The following LTBP4 variants were observed in gnomAD, a reference collection of about 807,000 sequenced individuals.
LTBP4 encodes latent-transforming growth factor beta-binding protein 4.
In LTBP4, 93 loss-of-function variants were observed where a neutral mutation model predicts 180.2. The observed-to-expected ratio is 0.52, with a 90% confidence interval of 0.44 to 0.61. LTBP4 has a LOEUF of 0.61. Ranked by LOEUF, LTBP4 falls within the 20% of genes least tolerant of loss-of-function variation. The probability of loss-of-function intolerance (pLI) is 0.00; values close to 1 mark genes in which losing one functional copy is unlikely to be tolerated. For missense variants in LTBP4, 2,116 were observed against 2,256.5 expected, an observed-to-expected ratio of 0.94 and a Z score of 1.26; for synonymous variants, 947 against 934.5, an observed-to-expected ratio of 1.01 and a Z score of -0.24.
upstream of LTBP4, chr19:40,600,099 C>A: frequency 7.9e-7 from 1 of 1,259,008 alleles, no homozygotes. This position sits in a 1 kb window ranked among gnomAD's most constrained non-coding sequence, Gnocchi z 4.4. Flanking sequence ...ACTGAAGCGG[C>A]GGCGGCCCCG....
In LTBP4 at chr19:40,627,363, C is replaced by T. The variant is rs80192963; in HGVS notation, c.4366+8C>T. 5.0e-3 allele frequency: 7,500 copies of T among 1,490,270 alleles called. 104 individuals carry two copies. In the African/African-American group the frequency reaches 0.054, roughly 11 times the overall value. The allele number at this position is 1,490,270 out of a possible 1,614,324, so 92.3% of individuals were successfully genotyped here. On this transcript the variant is annotated splice_region_variant and intron_variant, in intron 28 of 29. Transcript: ENST00000396819. ...AAGGTGGAAGCTATGCTGGTGAGCA[C>T]TGCCAGCGCATGATGAGACTGAGAT...
At chr19:40,612,631 T>A (rs1232776294) in intron 15 of LTBP4, among the ~76,000 whole-genome samples, 1 of 152,130 alleles carries the variant, frequency 6.6e-6, no homozygotes, top group Admixed American at 6.6e-5. Flanking sequence ...CCTGGTTGGG[T>A]TCATAATCCC....
At position 40,622,725 on chromosome 19, in the gene LTBP4, G is replaced by A; in HGVS notation, c.3484+58G>A. 1 of 1,537,802 alleles carries A rather than the reference G, an allele frequency of 6.5e-7. No homozygotes were observed. The highest frequency in any genetic ancestry group is 1.9e-5 in the Admixed American group (1 of 53,234). ...GGGCTTGGGTGGAAATACTGGGTGGGGTGTGGGCCTGGGACAGGGGACACT... is the reference window on the plus strand; with the variant it reads ...GGGCTTGGGTGGAAATACTGGGTGGAGTGTGGGCCTGGGACAGGGGACACT... On this transcript the variant is annotated intron_variant, in intron 23 of 29. Transcript: ENST00000396819. The surrounding 1 kb of genome is among the most constrained non-coding windows in gnomAD (Gnocchi z 5.1).
rs2081596250 is a variant in LTBP4 at position 40,622,838 on chromosome 19, T to C, written c.3485-112T>C. On this transcript the variant is annotated intron_variant, in intron 23 of 29. Transcript: ENST00000396819. The surrounding 1 kb of genome is among the most constrained non-coding windows in gnomAD (Gnocchi z 5.1). The stretch of plus-strand genomic sequence containing the variant: ...CATGGGCAGACATAAGGCTGAGAGG[T>C]GGGCACTAACAGGCACAGGGCCAGA... 7.2e-7 allele frequency: 1 copy of C among 1,385,988 alleles called. No individual in the cohort carries two copies. The highest frequency in any genetic ancestry group is 2.1e-5 in the Admixed American group (1 of 47,286). 85.9% of individuals were successfully genotyped at this position (1,385,988 alleles called of 1,614,324 possible). A position where few individuals can be genotyped will look rare whatever the true frequency, so the allele number is the denominator to read the frequency against.
chr19:40,611,871 G>A lies in LTBP4; in HGVS notation c.2066G>A (p.Cys689Tyr). The stretch of plus-strand genomic sequence containing the variant: ...CCCTCTGCCCCAGATGTGGATGAGT[G>A]TGCCCGAAGCCCCCCACCCTGCACC... ...PGAPCQDVDE[C>Y]ARSPPPCTYG... Residue 689 changes from cysteine (C) to tyrosine (Y), a missense_variant, in exon 14 of 30, where the codon TGT (cysteine) becomes TAT (tyrosine). Physicochemically the swap from Cys to Tyr is radical, Grantham distance 194. Around this residue, in one of 5 missense-constraint regions of LTBP4, gnomAD observed 877 missense variants for 873.6 expected, o/e 1.00. Transcript: ENST00000396819. This position sits in a 1 kb window ranked among gnomAD's most constrained non-coding sequence, Gnocchi z 4.4. 1 of 1,608,126 alleles carries A rather than the reference G, an allele frequency of 6.2e-7. No homozygotes were observed. Among genetic ancestry groups the A allele is most frequent in the Non-Finnish European group, 8.5e-7 (1 of 1,177,420 alleles).
chr19:40,618,410 C>T (rs1186946870), intron 21 of LTBP4, among the ~76,000 whole-genome samples: 1 of 152,124 alleles, frequency 6.6e-6, no homozygotes, highest in Non-Finnish European at 1.5e-5. Flanking sequence ...CAGGTGCCCA[C>T]CACTATGCCC....
At chr19:40,610,454 CCCTCTACCCCTG>C in intron 11 of LTBP4, 66 bp from the exon 12 acceptor site, 1 of 1,499,382 alleles carries the variant, frequency 6.7e-7, no homozygotes, top group Admixed American at 2.0e-5. Context: ...GCTCCCGCTT[CCCTCTACCCCTG>C]CCTCCTTGCG....
chr19:40,599,095 A>T, upstream of LTBP4: 1 of 1,029,086 alleles, frequency 9.7e-7, no homozygotes, highest in Non-Finnish European at 1.5e-6. Context: ...ACCTGTTTCA[A>T]GCCCCCTCAG....
chr19:40,616,248 CCTGT>C (rs1385982750), intron 19 of LTBP4, among the ~76,000 whole-genome samples: 1 of 147,630 alleles, frequency 6.8e-6, no homozygotes, highest in African/African-American at 2.6e-5. Context: ...GAGCCATGAT[CCTGT>C]CACTACACTC....
chr19:40,624,218 C>T lies in LTBP4; in HGVS notation c.3832+136C>T, dbSNP rs182719112. 470 of 1,112,734 alleles carry T rather than the reference C, an allele frequency of 4.2e-4. 3 individuals are homozygous for T. In the African/African-American group the frequency reaches 7.3e-3, roughly 17 times the overall value. The allele number at this position is 1,112,734 out of a possible 1,614,324, so 68.9% of individuals were successfully genotyped here. On this transcript the variant is annotated intron_variant, in intron 26 of 29. Transcript: ENST00000396819. ...CCTGGCTCGACCACGCCCCACTGAGCCCTCACTCAGTCTCTGTCCCACTGT... is the reference window on the plus strand; with the variant it reads ...CCTGGCTCGACCACGCCCCACTGAGTCCTCACTCAGTCTCTGTCCCACTGT...
chr19:40,607,279 C>CCCCA, intron 6 of LTBP4, 86 bp from the exon 7 acceptor site: 1 of 1,126,366 alleles, frequency 8.9e-7, no homozygotes, highest in Non-Finnish European at 1.3e-6. Flanking sequence ...CCCCCAACCC[C>CCCCA]AGAACCATTC....
chr19:40,628,944 G>C (rs1391946617), intron 29 of LTBP4, among the ~76,000 whole-genome samples: 6 of 151,690 alleles, frequency 4.0e-5, no homozygotes, highest in Non-Finnish European at 7.4e-5. Context: ...CCTCCTCCCA[G>C]GTTCAAGCGA....
intron 1 of LTBP4, among the ~76,000 whole-genome samples, chr19:40,596,340 C>G (rs1268209447): frequency 6.6e-6 from 1 of 152,156 alleles, no homozygotes; most frequent in Non-Finnish European, 1.5e-5. Flanking sequence ...ATTACAGGCC[C>G]GCGCCAGGGC....
At chr19:40,597,290 C>G (rs961810833), upstream of LTBP4, 40 of 1,523,754 alleles carry the variant, frequency 2.6e-5, no homozygotes, top group Non-Finnish European at 3.0e-5. Context: ...CTGTTGCTGC[C>G]GCTCTTCGCA....
intron 1 of LTBP4, among the ~76,000 whole-genome samples, chr19:40,593,737 G>A (rs1434020230): frequency 6.6e-6 from 1 of 151,382 alleles, no homozygotes; most frequent in Non-Finnish European, 1.5e-5. Flanking sequence ...CAGAACGCTC[G>A]TGTTGCTGAA....
chr19:40,605,349 C>T lies in LTBP4; in HGVS notation c.443-56C>T. On this transcript the variant is annotated intron_variant, in intron 2 of 29. Coordinates refer to ENST00000396819, the MANE Select transcript of LTBP4 (RefSeq NM_001042545.2). The surrounding 1 kb of genome is among the most constrained non-coding windows in gnomAD (Gnocchi z 5.5). ...AGCTCGCCCTCCCCGCCTTGTCTAGCCCCACCCCGTAAGAACCCGTGTAGA... is the reference window on the plus strand; with the variant it reads ...AGCTCGCCCTCCCCGCCTTGTCTAGTCCCACCCCGTAAGAACCCGTGTAGA... 1.2e-6 allele frequency: 2 copies of T among 1,601,814 alleles called. No homozygotes were observed. Among genetic ancestry groups the T allele is most frequent in the Non-Finnish European group, 1.7e-6 (2 of 1,173,050 alleles).
At chr19:40,627,940 G>T (rs1013991556) in intron 29 of LTBP4, 83 bp downstream of exon 29, 87 of 1,474,958 alleles carry the variant, frequency 5.9e-5, no homozygotes, top group East Asian at 4.0e-4. Context: ...AGGGGGTGCT[G>T]GTCAGGGACG....
chr19:40,614,442 T>TGACG lies in LTBP4; in HGVS notation c.2810_2812+1dup. ...ACCACGCGGGCCCCGAGGGCACCTGTGACGGTGAGCCTGCCCCCACCCGCC... is the reference window on the plus strand; with the variant it reads ...ACCACGCGGGCCCCGAGGGCACCTGTGACGGACGGTGAGCCTGCCCCCACCCGCC... On this transcript the variant is annotated frameshift_variant, in exon 19 of 30. Coordinates refer to ENST00000396819, the MANE Select transcript of LTBP4 (RefSeq NM_001042545.2). LOFTEE classifies it high-confidence loss of function. 2 of 1,598,458 alleles carry TGACG rather than the reference T, an allele frequency of 1.3e-6. No individual in the cohort carries two copies. The highest frequency in any genetic ancestry group is 8.5e-7 in the Non-Finnish European group (1 of 1,179,468).
In LTBP4 at chr19:40,628,376, A is replaced by G. The variant is rs187993148; in HGVS notation, c.4519+519A>G. 6.4e-4 allele frequency among the ~76,000 whole-genome samples: 97 copies of G among 152,274 alleles called. 2 individuals are homozygous for G. In the East Asian group the frequency reaches 0.017, roughly 26 times the overall value. ...CAATATGGTGAAACCCCGTCTCTAAAAATACAAAATTAGCCGGGTGTGGTG... is the reference window on the plus strand; with the variant it reads ...CAATATGGTGAAACCCCGTCTCTAAGAATACAAAATTAGCCGGGTGTGGTG... On this transcript the variant is annotated intron_variant, in intron 29 of 29. Coordinates refer to ENST00000396819, the MANE Select transcript of LTBP4 (RefSeq NM_001042545.2).
Sources: gnomAD v4.1 joint callset for allele counts (sites outside exome capture counted in the v4.1 genomes callset) on GRCh38, gnomAD v4.1.1 for gene constraint, gnomAD v4.1.1 regional missense constraint, Gnocchi (gnomAD v3.1) non-coding constraint, MANE v1.5 for transcripts, NCBI Gene and HGNC (gene_info 2026-07-23, HGNC 2026-07-21) for gene names.